Variants in TNR observed in about 807,000 individuals in gnomAD.
TNR encodes the protein tenascin R.
In TNR, 45 loss-of-function variants were observed where a neutral mutation model predicts 150.4. The observed-to-expected ratio is 0.30, with a 90% CI of 0.24 to 0.38. TNR has a LOEUF of 0.38. TNR is among the 10% of genes least tolerant of loss of function. TNR has a pLI of 1.00. For missense variants in TNR, 1,544 were observed against 1,759.1 expected, an observed-to-expected ratio of 0.88 and a Z score of 2.19; for synonymous variants, 687 against 678.4, an observed-to-expected ratio of 1.01 and a Z score of -0.20.
At chr1:175,359,075 C>G (rs1275498884) in intron 15 of TNR, among the ~76,000 whole-genome samples, 1 of 144,724 alleles carries the variant, frequency 6.9e-6, no homozygotes, top group Non-Finnish European at 1.5e-5. Context: ...CTTTCTTGTA[C>G]CTTTCAGATT....
At chr1:175,387,741 C>A (rs972202682) in intron 7 of TNR, among the ~76,000 whole-genome samples, 6 of 152,212 alleles carry the variant, frequency 3.9e-5, no homozygotes, top group African/African-American at 1.4e-4. Context: ...TCTAACCAGT[C>A]CACTCTGGCC....
chr1:175,559,844 A>T (rs1335247728), intron 1 of TNR, among the ~76,000 whole-genome samples: 1 of 152,186 alleles, frequency 6.6e-6, no homozygotes, highest in African/African-American at 2.4e-5. Context: ...ATATCTAGAA[A>T]TATCTTTAGC....
At position 175,700,181 on chromosome 1, in the gene TNR, GCTTAAGATAA is replaced by G. The variant is rs143782180; in HGVS notation, c.-165+43035_-165+43044del. Among the ~76,000 whole-genome samples, 1,304 of 151,772 alleles carry G rather than the reference GCTTAAGATAA, an allele frequency of 8.6e-3. 13 individuals are homozygous for G. The highest frequency in any genetic ancestry group is 0.024 in the African/African-American group (1,008 of 41,402). ...GGCAAGGCTGTCAGTGAGTCCTCTA[GCTTAAGATAA>G]CTGTCAGAGGAGTCCCTGTCCCAGG... On this transcript the variant is annotated intron_variant, in intron 1 of 22. Transcript: ENST00000367674.
intron 2 of TNR, among the ~76,000 whole-genome samples, chr1:175,427,889 G>GCTTCCTTC (rs71129510): frequency 0.11 from 12,200 of 111,280 alleles, 752 homozygotes; most frequent in African/African-American, 0.13. Context: ...TCCCTTCTTC[G>GCTTCCTTC]CTTCCTTCCT....
At chr1:175,438,647 A>G (rs1655628797) in intron 2 of TNR, among the ~76,000 whole-genome samples, 1 of 152,216 alleles carries the variant, frequency 6.6e-6, no homozygotes, top group South Asian at 2.1e-4. Flanking sequence ...TCAGCCCAAA[A>G]TCTCCTTAAG....
At chr1:175,571,886 G>C (rs567004426) in intron 1 of TNR, among the ~76,000 whole-genome samples, 1 of 152,318 alleles carries the variant, frequency 6.6e-6, no homozygotes, top group East Asian at 1.9e-4. Flanking sequence ...ACAACCACCA[G>C]AGTCCAAGTG....
intron 3 of TNR, among the ~76,000 whole-genome samples, chr1:175,404,480 A>G (rs989461218): frequency 3.9e-5 from 6 of 152,190 alleles, no homozygotes; most frequent in African/African-American, 1.4e-4. Context: ...ACAGTGGTTA[A>G]TTTATCTGCC....
At chr1:175,615,403 G>A (rs1423865982) in intron 1 of TNR, among the ~76,000 whole-genome samples, 1 of 152,176 alleles carries the variant, frequency 6.6e-6, no homozygotes, top group Non-Finnish European at 1.5e-5. Flanking sequence ...ACATGTATTG[G>A]GAGAGGAGGG....
chr1:175,403,402 G>A lies in TNR; in HGVS notation c.714C>T (p.Asp238=), dbSNP rs749258312. The change falls in exon 4 of 23, where the codon GAC becomes GAT. Residue 238 remains aspartate (D), a synonymous_variant. Coordinates refer to ENST00000367674, the MANE Select transcript of TNR (RefSeq NM_003285.3). The stretch of plus-strand genomic sequence containing the variant: ...CCACGCAGAGCCCCCGGGAGCTGCA[G>A]TCTGTTGGGCACCGGAGTTCGGAAC... The part of the protein sequence containing the change: ...DDCSELRCPT[D]CSSRGLCVDG... 1.2e-6 allele frequency: 2 copies of A among 1,614,100 alleles called. No homozygotes were observed. Among genetic ancestry groups the A allele is most frequent in the Admixed American group, 3.3e-5 (2 of 60,010 alleles).
At chr1:175,473,877 T>G (rs16848484) in intron 2 of TNR, among the ~76,000 whole-genome samples, 3,687 of 152,198 alleles carry the variant, frequency 0.024, 148 homozygotes, top group African/African-American at 0.083. Flanking sequence ...AAAATGCTGG[T>G]TTTAATGAAG....
At chr1:175,359,803 A>AGTT (rs1457271222) in intron 14 of TNR, 72 bp from the exon 15 acceptor site, 2 of 1,531,776 alleles carry the variant, frequency 1.3e-6, no homozygotes, top group African/African-American at 2.8e-5. Flanking sequence ...TGATCTCAGA[A>AGTT]GTTCCACTCA....
chr1:175,741,736 C>CACCCAGAAGGCTCCCCAGCCAG (rs2101963415), intron 1 of TNR, among the ~76,000 whole-genome samples: 1 of 152,340 alleles, frequency 6.6e-6, no homozygotes, highest in South Asian at 2.1e-4. Flanking sequence ...CTGTGTCTCT[C>CACCCAGAAGGCTCCCCAGCCAG]ACCCAGAAGG....
chr1:175,377,459 G>GT lies in TNR; in HGVS notation c.1963+2092dup, dbSNP rs60693271. On this transcript the variant is annotated intron_variant, in intron 9 of 22. Coordinates refer to ENST00000367674, the MANE Select transcript of TNR (RefSeq NM_003285.3). ...CAGTTCCCTCCTGTATCATTTCAGG[G>GT]TTTTTTTTTTTTTTTTTTTGGATTT... Among the ~76,000 whole-genome samples the GT allele has an allele frequency of 3.7e-3, 445 of 121,102 alleles. 1 individual carries two copies. Among genetic ancestry groups the GT allele is most frequent in the African/African-American group, 6.4e-3 (207 of 32,128 alleles). The allele number at this position is 121,102 out of a possible 152,430, so 79.4% of individuals were successfully genotyped here. A position where few individuals can be genotyped will look rare whatever the true frequency, so the allele number is the denominator to read the frequency against.
intron 7 of TNR, among the ~76,000 whole-genome samples, chr1:175,387,220 G>A (rs1652980579): frequency 6.6e-6 from 1 of 152,228 alleles, no homozygotes; most frequent in South Asian, 2.1e-4. Context: ...GAGGAGAATA[G>A]GAAATGGTCT....
intron 1 of TNR, among the ~76,000 whole-genome samples, chr1:175,568,222 C>T (rs779507587): frequency 5.9e-5 from 9 of 152,130 alleles, no homozygotes; most frequent in Admixed American, 2.0e-4. Context: ...CTATCACCCT[C>T]ATATAGTAAA....
chr1:175,522,201 C>T (rs769570782), intron 2 of TNR, among the ~76,000 whole-genome samples: 6 of 152,146 alleles, frequency 3.9e-5, no homozygotes, highest in Non-Finnish European at 8.8e-5. Context: ...GCCATGTGGG[C>T]TTAGAAGATT....
intron 2 of TNR, among the ~76,000 whole-genome samples, chr1:175,452,414 A>C (rs1656368747): frequency 6.6e-6 from 1 of 152,268 alleles, no homozygotes; most frequent in South Asian, 2.1e-4. Context: ...CTGCATGGGC[A>C]CAGGGGGCTG....
At chr1:175,351,076 G>A (rs1651030261) in intron 18 of TNR, among the ~76,000 whole-genome samples, 1 of 152,174 alleles carries the variant, frequency 6.6e-6, no homozygotes, top group Non-Finnish European at 1.5e-5. Flanking sequence ...CACCTGGGAG[G>A]CTTCCAGTGT....
At chr1:175,433,524 C>T (rs910942298) in intron 2 of TNR, among the ~76,000 whole-genome samples, 1 of 152,168 alleles carries the variant, frequency 6.6e-6, no homozygotes, top group African/African-American at 2.4e-5. Flanking sequence ...GTCCTTTGTA[C>T]TTGCAGTAGA....
Sources: gnomAD v4.1 joint callset for allele counts (sites outside exome capture counted in the v4.1 genomes callset) on GRCh38, gnomAD v4.1.1 for gene constraint, MANE v1.5 for transcripts, NCBI Gene and HGNC (gene_info 2026-07-23, HGNC 2026-07-21) for gene names.